The following STARD13 variants were observed in gnomAD, a reference collection of about 807,000 sequenced individuals.
The protein encoded by STARD13 is stAR-related lipid transfer protein 13.
STARD13 carries 62 observed loss-of-function variants against 106.4 expected under a neutral mutation model. The observed-to-expected ratio is 0.58, with a 90% confidence interval of 0.48 to 0.72. STARD13 has a LOEUF of 0.72. STARD13 is among the 30% of genes least tolerant of loss of function. The pLI is 0.00. For missense variants in STARD13, 1,387 were observed against 1,424.0 expected (o/e 0.97, Z 0.42); for synonymous variants, 565 against 553.0 (o/e 1.02, Z -0.31).
At chr13:33,327,035 A>T (rs1391480223) in intron 1 of STARD13, among the ~76,000 whole-genome samples, 1 of 152,224 alleles carries the variant, frequency 6.6e-6, no homozygotes, top group African/African-American at 2.4e-5. Context: ...TTTCAATCAC[A>T]AGTGTGCCTG....
chr13:33,557,690 T>C, the STARD13 span, among the ~76,000 whole-genome samples: 1 of 152,166 alleles, frequency 6.6e-6, no homozygotes, highest in East Asian at 1.9e-4. Context: ...AATGGGAAAC[T>C]TTGGAAAGGG....
the STARD13 span, among the ~76,000 whole-genome samples, chr13:33,653,150 G>A: frequency 5.6e-4 from 85 of 152,274 alleles, no homozygotes; most frequent in East Asian, 0.015. Flanking sequence ...TCCGAGACAT[G>A]TGCTTTGCAA....
At chr13:33,399,907 G>A in the STARD13 span, among the ~76,000 whole-genome samples, 1 of 151,958 alleles carries the variant, frequency 6.6e-6, no homozygotes, top group Admixed American at 6.6e-5. Flanking sequence ...CAACTTTGTG[G>A]ATGACTATTC....
At chr13:33,636,837 T>C in the STARD13 span, among the ~76,000 whole-genome samples, 19 of 152,228 alleles carry the variant, frequency 1.2e-4, no homozygotes, top group African/African-American at 4.3e-4. Flanking sequence ...TCGTCCAAGT[T>C]ATACCACTTA....
chr13:33,135,769 A>G (rs1271283109), intron 4 of STARD13, among the ~76,000 whole-genome samples: 1 of 152,220 alleles, frequency 6.6e-6, no homozygotes, highest in Non-Finnish European at 1.5e-5. Flanking sequence ...ATTACCCATG[A>G]GTAACATTGT....
At position 33,129,100 on chromosome 13, in the gene STARD13, A is replaced by G. The variant is rs375856181; in HGVS notation, c.1577T>C (p.Phe526Ser). Residue 526 changes from phenylalanine to serine, a missense_variant, in exon 5 of 14, where the codon TTT becomes TCT. Transcript: ENST00000336934. ...TAAGGTGATCTGATTAGGAGATGGA[A>G]AGGTGGATAAGCCAGGTTCCCCAAC... ...TLVGEPGLSTFPSPNQITLDF... is the reference protein window; with the variant it reads ...TLVGEPGLSTSPSPNQITLDF... 442 of 1,614,046 alleles carry G rather than the reference A, an allele frequency of 2.7e-4. 1 individual carries two copies. The highest frequency in any genetic ancestry group is 3.5e-4 in the Non-Finnish European group (412 of 1,180,034).
At chr13:33,444,012 G>A in the STARD13 span, among the ~76,000 whole-genome samples, 1 of 151,848 alleles carries the variant, frequency 6.6e-6, no homozygotes, top group Non-Finnish European at 1.5e-5. Context: ...ATAATCCTGA[G>A]ATTATAGTTA....
intron 7 of STARD13, 42 bp from the exon 8 acceptor site, chr13:33,118,305 G>C: frequency 6.4e-7 from 1 of 1,562,344 alleles, no homozygotes; most frequent in South Asian, 1.1e-5. Context: ...GGCCACACTT[G>C]GTTGTGAGGA....
chr13:33,324,069 C>T (rs1254220740), intron 1 of STARD13, among the ~76,000 whole-genome samples: 2 of 152,162 alleles, frequency 1.3e-5, no homozygotes, highest in South Asian at 2.1e-4. Flanking sequence ...AGTATGTTTT[C>T]TCTGTATGTA....
the STARD13 span, among the ~76,000 whole-genome samples, chr13:33,404,744 G>C: frequency 1.4e-4 from 22 of 151,836 alleles, no homozygotes; most frequent in Non-Finnish European, 2.9e-4. Context: ...AGGGAGTGGT[G>C]GGGGAGGATG....
intron 1 of STARD13, among the ~76,000 whole-genome samples, chr13:33,249,504 T>C (rs1220538123): frequency 6.6e-6 from 1 of 152,208 alleles, no homozygotes; most frequent in Non-Finnish European, 1.5e-5. Context: ...CAAGGTTTCC[T>C]TAGCCACCTA....
chr13:33,417,167 A>T, the STARD13 span, among the ~76,000 whole-genome samples: 1 of 152,230 alleles, frequency 6.6e-6, no homozygotes, highest in African/African-American at 2.4e-5. Flanking sequence ...CAAAACCACA[A>T]TGAGATAACA....
chr13:33,496,468 T>A, the STARD13 span, among the ~76,000 whole-genome samples: 8 of 151,912 alleles, frequency 5.3e-5, no homozygotes, highest in Non-Finnish European at 1.2e-4. Context: ...AACTTCCTCA[T>A]GGTATCATTT....
chr13:33,559,060 G>A, the STARD13 span, among the ~76,000 whole-genome samples: 1 of 151,642 alleles, frequency 6.6e-6, no homozygotes, highest in South Asian at 2.1e-4. Context: ...TAACTAATCT[G>A]TCATTTGAAT....
chr13:33,322,461 C>T (rs371103101), intron 1 of STARD13, among the ~76,000 whole-genome samples: 1 of 152,270 alleles, frequency 6.6e-6, no homozygotes, highest in East Asian at 1.9e-4. Flanking sequence ...TTTTCATTTC[C>T]TAACAAATGA....
Position 33,129,261 on chromosome 13 carries a change from T to C in STARD13, c.1416A>G (p.Gly472=), listed in dbSNP as rs748923367. Residue 472 remains glycine, a synonymous_variant, in exon 5 of 14, where the codon GGA becomes GGG. Transcript: ENST00000336934. ...VPGSHLYAST[G]DLLDLEKDDL... ...CATCTTTCTCCAAGTCCAAAAGATC[T>C]CCTGTGCTGGCATACAGATGGGAGC... 4.3e-6 allele frequency: 7 copies of C among 1,614,148 alleles called. No homozygotes were observed. The South Asian group carries it at 7.7e-5, about 18-fold the overall frequency.
chr13:33,344,079 G>A (rs1405080654), downstream of STARD13, among the ~76,000 whole-genome samples: 1 of 152,162 alleles, frequency 6.6e-6, no homozygotes, highest in African/African-American at 2.4e-5. Context: ...AGGTAAGTCA[G>A]TGGTTCTCAA....
At chr13:33,463,985 T>C in the STARD13 span, among the ~76,000 whole-genome samples, 1 of 144,258 alleles carries the variant, frequency 6.9e-6, no homozygotes, top group Admixed American at 7.3e-5. Flanking sequence ...CACTCCAGCC[T>C]GGGTAACAAA....
chr13:33,302,439 A>G (rs371214332), intron 1 of STARD13, among the ~76,000 whole-genome samples: 402 of 152,216 alleles, frequency 2.6e-3, no homozygotes, highest in African/African-American at 9.2e-3. Context: ...TTTTTGAGAC[A>G]AGGTCTCACT....
Sources: gnomAD v4.1 joint callset for allele counts (sites outside exome capture counted in the v4.1 genomes callset) on GRCh38, gnomAD v4.1.1 for gene constraint, MANE v1.5 for transcripts, NCBI Gene and HGNC (gene_info 2026-07-23, HGNC 2026-07-21) for gene names.